IGFBP3: variants seen among roughly 807,000 people sequenced by gnomAD.
The protein encoded by IGFBP3 is insulin-like growth factor-binding protein 3.
IGFBP3 carries 9 observed loss-of-function variants against 28.6 expected under a neutral mutation model. The observed-to-expected ratio is 0.31, with a 90% CI of 0.19 to 0.55. The LOEUF (loss-of-function observed/expected upper bound fraction) is 0.55. IGFBP3 is among the 20% of genes least tolerant of loss of function. The pLI is 0.93. For missense variants in IGFBP3, 382 were observed against 428.9 expected (o/e 0.89, Z 0.97); for synonymous variants, 185 against 188.2 (o/e 0.98, Z 0.14).
chr7:45,916,062 A>G (rs1705818770), intron 3 of IGFBP3, among the ~76,000 whole-genome samples: 1 of 152,210 alleles, frequency 6.6e-6, no homozygotes. Context: ...AAATCTTAAT[A>G]TTGCAACCTG....
chr7:45,920,486 C>G, intron 1 of IGFBP3: 1 of 392,224 alleles, frequency 2.5e-6, no homozygotes, highest in Non-Finnish European at 4.5e-6. Context: ...AACCTTTAAC[C>G]CATTTTCACT....
At chr7:45,917,655 A>T (rs1285401765) in intron 1 of IGFBP3, among the ~76,000 whole-genome samples, 6 of 152,188 alleles carry the variant, frequency 3.9e-5, no homozygotes, top group Non-Finnish European at 8.8e-5. Context: ...TCTGTTTGAA[A>T]GTCAATCTGA....
chr7:45,914,397 A>G (rs1784580804), intron 4 of IGFBP3: 1 of 153,504 alleles, frequency 6.5e-6, no homozygotes, highest in Non-Finnish European at 1.4e-5. Flanking sequence ...TCACATCTTT[A>G]ATTTAGAAAC....
rs1268245661 is a variant in IGFBP3 at position 45,921,210 on chromosome 7, G to A, written c.-70C>T. The A allele has an allele frequency of 1.4e-6, 2 of 1,463,504 alleles. No individual in the cohort carries two copies. The highest frequency in any genetic ancestry group is 9.2e-7 in the Non-Finnish European group (1 of 1,091,628). The allele number at this position is 1,463,504 out of a possible 1,614,324, so 90.7% of individuals were successfully genotyped here. On this transcript the variant is annotated 5_prime_UTR_variant, in exon 1 of 5. Coordinates refer to ENST00000613132, the MANE Select transcript of IGFBP3 (RefSeq NM_000598.5). Reference sequence around the variant, plus strand: ...GGGATGGGGCGACAGTACACGGCGCGAAGCTGTGGAATCCAGGCAGGAAGC... The same window carrying A: ...GGGATGGGGCGACAGTACACGGCGCAAAGCTGTGGAATCCAGGCAGGAAGC...
intron 4 of IGFBP3, chr7:45,914,417 T>C (rs908875861): frequency 6.4e-6 from 1 of 156,566 alleles, no homozygotes; most frequent in South Asian, 2.0e-4. Flanking sequence ...CATGTATCTT[T>C]AGCAGGTTCT....
In IGFBP3 at chr7:45,912,506, T is replaced by C. The variant is rs1295824645; in HGVS notation, c.*1344A>G. On this transcript the variant is annotated 3_prime_UTR_variant, in exon 5 of 5. Coordinates refer to ENST00000613132, the MANE Select transcript of IGFBP3 (RefSeq NM_000598.5). Reference sequence around the variant, plus strand: ...ACCCCTCTGTTTTCAAGGAGAGCTCTATGCAGCGTGTGTCCACACCGAGGT... The same window carrying C: ...ACCCCTCTGTTTTCAAGGAGAGCTCCATGCAGCGTGTGTCCACACCGAGGT... 2 of 152,362 alleles carry C rather than the reference T, an allele frequency of 1.3e-5. No individual in the cohort carries two copies. Among genetic ancestry groups the C allele is most frequent in the African/African-American group, 4.8e-5 (2 of 41,460 alleles). 9.4% of individuals were successfully genotyped at this position (152,362 alleles called of 1,614,324 possible). A position where few individuals can be genotyped will look rare whatever the true frequency, so the allele number is the denominator to read the frequency against.
chr7:45,921,223 C>A lies in IGFBP3; in HGVS notation c.-83G>T. 6.9e-7 allele frequency: 1 copy of A among 1,444,326 alleles called. No individual in the cohort carries two copies. The highest frequency in any genetic ancestry group is 9.3e-7 in the Non-Finnish European group (1 of 1,074,374). The allele number at this position is 1,444,326 out of a possible 1,614,324, so 89.5% of individuals were successfully genotyped here. ...AGTACACGGCGCGAAGCTGTGGAAT[C>A]CAGGCAGGAAGCGGCTGATCCTCAG... On this transcript the variant is annotated 5_prime_UTR_variant, in exon 1 of 5. Transcript: ENST00000613132.
At chr7:45,919,894 G>T in intron 1 of IGFBP3, 1 of 150,680 alleles carries the variant, frequency 6.6e-6, no homozygotes, top group Non-Finnish European at 1.5e-5. Context: ...TCCTCTTCTG[G>T]GGCTCCCCTT....
rs147700247 is a variant in IGFBP3 at position 45,916,586 on chromosome 7, G to C, written c.712C>G (p.Pro238Ala). 152 of 1,612,574 alleles carry C rather than the reference G, an allele frequency of 9.4e-5. No individual in the cohort carries two copies. Among genetic ancestry groups the C allele is most frequent in the Non-Finnish European group, 1.2e-4 (146 of 1,178,836 alleles). ...NVLSPRGVHIPNCDKKGFYKK... is the reference protein window; with the variant it reads ...NVLSPRGVHIANCDKKGFYKK... ...TAAAATCCCTTCTTGTCACAGTTGGGAATGTGTACACCCCTGGGACTCAGC... is the reference window on the plus strand; with the variant it reads ...TAAAATCCCTTCTTGTCACAGTTGGCAATGTGTACACCCCTGGGACTCAGC... The change falls in exon 3 of 5, where the codon CCC becomes GCC. Residue 238 changes from proline (P) to alanine (A), a missense_variant. Physicochemically the swap from Pro to Ala is conservative, Grantham distance 27 (BLOSUM62 -1). Transcript: ENST00000613132.
intron 1 of IGFBP3, among the ~76,000 whole-genome samples, chr7:45,917,732 T>C (rs866535968): frequency 6.6e-6 from 1 of 152,200 alleles, no homozygotes; most frequent in African/African-American, 2.4e-5. Context: ...CCTCAGTAGG[T>C]GAAGGCAGTA....
In IGFBP3 at chr7:45,921,203, A is replaced by C. The variant is rs970565304; in HGVS notation, c.-63T>G. 4 of 1,479,138 alleles carry C rather than the reference A, an allele frequency of 2.7e-6. No homozygotes were observed. Among genetic ancestry groups the C allele is most frequent in the Non-Finnish European group, 3.6e-6 (4 of 1,106,202 alleles). The allele number at this position is 1,479,138 out of a possible 1,614,324, so 91.6% of individuals were successfully genotyped here. On this transcript the variant is annotated 5_prime_UTR_variant, in exon 1 of 5. Transcript: ENST00000613132. ...GCGCGCAGGGATGGGGCGACAGTACACGGCGCGAAGCTGTGGAATCCAGGC... is the reference window on the plus strand; with the variant it reads ...GCGCGCAGGGATGGGGCGACAGTACCCGGCGCGAAGCTGTGGAATCCAGGC...
chr7:45,916,611 C>T lies in IGFBP3; in HGVS notation c.687G>A (p.Val229=). ...GAATGTGTACACCCCTGGGACTCAG[C>T]ACATTGAGGAACTTCAGGTGATTCA... The part of the protein sequence containing the change: ...DTLNHLKFLN[V]LSPRGVHIPN... The change falls in exon 3 of 5, where the codon GTG becomes GTA. Residue 229 remains valine (V), a synonymous_variant. Coordinates refer to ENST00000613132, the MANE Select transcript of IGFBP3 (RefSeq NM_000598.5). The T allele has an allele frequency of 6.2e-7, 1 of 1,613,520 alleles. No individual in the cohort carries two copies. The highest frequency in any genetic ancestry group is 8.5e-7 in the Non-Finnish European group (1 of 1,179,468).
In IGFBP3 at chr7:45,921,055, G is replaced by A. The variant is rs1450548065; in HGVS notation, c.86C>T (p.Ala29Val). ...CACGGGACCCAAGCCCGCCGAGCTCGCGCCAGCCCGCGCCACCGGCGGCCC... is the reference window on the plus strand; with the variant it reads ...CACGGGACCCAAGCCCGCCGAGCTCACGCCAGCCCGCGCCACCGGCGGCCC... ...LRGPPVARAGASSAGLGPVVR... is the reference protein window; with the variant it reads ...LRGPPVARAGVSSAGLGPVVR... Residue 29 changes from alanine to valine, a missense_variant, in exon 1 of 5, where the codon GCG (alanine) becomes GTG (valine). Coordinates refer to ENST00000613132, the MANE Select transcript of IGFBP3 (RefSeq NM_000598.5). The A allele has an allele frequency of 6.9e-7, 1 of 1,445,568 alleles. No homozygotes were observed. Among genetic ancestry groups the A allele is most frequent in the South Asian group, 1.4e-5 (1 of 73,706 alleles). 89.5% of individuals were successfully genotyped at this position (1,445,568 alleles called of 1,614,324 possible). A position where few individuals can be genotyped will look rare whatever the true frequency, so the allele number is the denominator to read the frequency against.
At chr7:45,916,497 C>T in intron 3 of IGFBP3, 51 bp downstream of exon 3, 1 of 1,578,466 alleles carries the variant, frequency 6.3e-7, no homozygotes, top group Non-Finnish European at 8.7e-7. Flanking sequence ...AGATGGGTTT[C>T]TCCTCTGTGT....
intron 1 of IGFBP3, among the ~76,000 whole-genome samples, chr7:45,918,662 A>C (rs2116581266): frequency 6.6e-6 from 1 of 152,360 alleles, no homozygotes; most frequent in Non-Finnish European, 1.5e-5. Flanking sequence ...CAGGTGGCCC[A>C]TCTGGTCCAC....
intron 3 of IGFBP3, 131 bp downstream of exon 3, chr7:45,916,417 C>G: frequency 1.2e-6 from 1 of 838,468 alleles, no homozygotes; most frequent in East Asian, 2.7e-5. Context: ...AGACTGGCAC[C>G]AAGTCCTGGG....
At chr7:45,920,590 C>T in intron 1 of IGFBP3, 148 bp downstream of exon 1, 1 of 800,778 alleles carries the variant, frequency 1.2e-6, no homozygotes, top group Non-Finnish European at 1.7e-6. Flanking sequence ...CCGCCTTCAC[C>T]TTTCCCGGAG....
At chr7:45,914,599 A>C in intron 4 of IGFBP3, 1 of 480,218 alleles carries the variant, frequency 2.1e-6, no homozygotes, top group Non-Finnish European at 3.7e-6. Flanking sequence ...CTCCTTCCCC[A>C]CACTTGTTTG....
chr7:45,919,128 C>T (rs34331516), intron 1 of IGFBP3, among the ~76,000 whole-genome samples: 6 of 152,166 alleles, frequency 3.9e-5, no homozygotes, highest in Admixed American at 3.9e-4. Flanking sequence ...GGCATGAAGA[C>T]AAAACAGTTC....
Sources: gnomAD v4.1 joint callset for allele counts (sites outside exome capture counted in the v4.1 genomes callset) on GRCh38, gnomAD v4.1.1 for gene constraint, MANE v1.5 for transcripts, NCBI Gene and HGNC (gene_info 2026-07-23, HGNC 2026-07-21) for gene names.